RBFOX1: variants seen among roughly 807,000 people sequenced by gnomAD.
The protein encoded by RBFOX1 is RNA binding fox-1 homolog 1, also known as RNA binding protein fox-1 homolog 1.
Under a neutral mutation model 57.7 loss-of-function variants are expected in RBFOX1, and 8 were observed. That is an observed-to-expected ratio of 0.14 (90% CI 0.08 to 0.25). The LOEUF (loss-of-function observed/expected upper bound fraction) is 0.25, where lower values mean the gene tolerates loss of function less well. RBFOX1 is among the 10% of genes least tolerant of loss of function. The pLI, the probability that RBFOX1 is intolerant of heterozygous loss-of-function variation, is 1.00. For synonymous variants in RBFOX1, 326 were observed against 222.4 expected (o/e 1.47, Z -4.15); for missense variants, 611 against 548.5 (o/e 1.11, Z -1.14).
At chr16:6,631,386 A>G (rs2098383038) in intron 2 of RBFOX1, among the ~76,000 whole-genome samples, 1 of 152,010 alleles carries the variant, frequency 6.6e-6, no homozygotes, top group Non-Finnish European at 1.5e-5. Context: ...TTTTTTAGAA[A>G]ACACTTTTTA....
chr16:6,103,453 TGTCA>T (rs750711645), intron 1 of RBFOX1, among the ~76,000 whole-genome samples: 1 of 152,134 alleles, frequency 6.6e-6, no homozygotes, highest in African/African-American at 2.4e-5. Context: ...TTACTGTTGT[TGTCA>T]GTCAGGCTAG....
At chr16:7,251,340 C>G (rs565061431) in intron 4 of RBFOX1, among the ~76,000 whole-genome samples, 6 of 150,860 alleles carry the variant, frequency 4.0e-5, no homozygotes, top group Non-Finnish European at 8.8e-5. Context: ...TTGCAGTTGA[C>G]AAGAATTTAT....
intron 4 of RBFOX1, among the ~76,000 whole-genome samples, chr16:7,300,778 C>T (rs1249596280): frequency 2.0e-5 from 3 of 152,110 alleles, no homozygotes; most frequent in Non-Finnish European, 2.9e-5. Context: ...CAAATTAAAA[C>T]TTGGGTAGTT....
intron 1 of RBFOX1, among the ~76,000 whole-genome samples, chr16:6,132,790 C>T (rs1194507821): frequency 2.6e-5 from 4 of 151,842 alleles, no homozygotes; most frequent in Admixed American, 6.6e-5. Context: ...AGTTCAAGAC[C>T]AGCCTGGCCA....
intron 4 of RBFOX1, among the ~76,000 whole-genome samples, chr16:7,233,846 A>G (rs529321471): frequency 2.6e-5 from 4 of 152,346 alleles, no homozygotes; most frequent in Non-Finnish European, 4.4e-5. Context: ...CTAATTGACA[A>G]CAAGGTTTAT....
chr16:5,882,569 C>G (rs909462417), intron 4 of RBFOX1, among the ~76,000 whole-genome samples: 3 of 152,126 alleles, frequency 2.0e-5, no homozygotes, highest in Non-Finnish European at 4.4e-5. Flanking sequence ...ACCTGGAGGG[C>G]TCATGATTTG....
At chr16:7,108,856 A>T (rs1414071477) in intron 4 of RBFOX1, among the ~76,000 whole-genome samples, 2 of 152,120 alleles carry the variant, frequency 1.3e-5, no homozygotes, top group African/African-American at 4.8e-5. Context: ...ACGAGTCATG[A>T]TATATATTTA....
At chr16:6,535,767 C>G (rs560790883) in intron 2 of RBFOX1, among the ~76,000 whole-genome samples, 1 of 152,194 alleles carries the variant, frequency 6.6e-6, no homozygotes, top group Non-Finnish European at 1.5e-5. Context: ...GCTATCACAA[C>G]CAGCATATGT....
At chr16:6,232,324 G>C (rs1035324067) in intron 1 of RBFOX1, among the ~76,000 whole-genome samples, 1 of 152,160 alleles carries the variant, frequency 6.6e-6, no homozygotes, top group Non-Finnish European at 1.5e-5. Flanking sequence ...TATGGAATTA[G>C]GGCTGGAAAA....
At chr16:5,343,090 G>C (rs143427085) in intron 1 of RBFOX1, among the ~76,000 whole-genome samples, 26 of 152,228 alleles carry the variant, frequency 1.7e-4, no homozygotes, top group Admixed American at 9.2e-4. Context: ...TTAGTGTAAG[G>C]CTTAGGACTT....
chr16:7,278,880 G>A (rs200778381), intron 4 of RBFOX1, among the ~76,000 whole-genome samples: 2 of 152,114 alleles, frequency 1.3e-5, no homozygotes, highest in African/African-American at 2.4e-5. Context: ...TTATCTTGTC[G>A]AAAGGGAATT....
intron 5 of RBFOX1, among the ~76,000 whole-genome samples, chr16:7,536,696 G>A (rs1241643630): frequency 1.3e-5 from 2 of 152,226 alleles, no homozygotes; most frequent in Non-Finnish European, 2.9e-5. Context: ...AGATGCAGGG[G>A]CGTGTGGAAG....
At chr16:7,012,528 G>C (rs12445944) in intron 3 of RBFOX1, among the ~76,000 whole-genome samples, 19,007 of 152,160 alleles carry the variant, frequency 0.12, 1,270 homozygotes, top group Middle Eastern at 0.17. Context: ...AGAAAAACAA[G>C]GACATTGGAA....
chr16:7,633,216 G>T (rs1216491373), intron 11 of RBFOX1, among the ~76,000 whole-genome samples: 2 of 152,206 alleles, frequency 1.3e-5, no homozygotes, highest in Admixed American at 1.3e-4. Flanking sequence ...TACAGAAGAA[G>T]TGTACTGATC....
At chr16:6,874,325 A>T (rs2061449055) in intron 3 of RBFOX1, among the ~76,000 whole-genome samples, 2 of 152,024 alleles carry the variant, frequency 1.3e-5, no homozygotes, top group African/African-American at 4.8e-5. Flanking sequence ...AGCCTGGCCA[A>T]CATGATGAAA....
At chr16:6,709,790 G>T (rs1363013197) in intron 3 of RBFOX1, among the ~76,000 whole-genome samples, 1 of 152,128 alleles carries the variant, frequency 6.6e-6, no homozygotes, top group Non-Finnish European at 1.5e-5. Context: ...AGATACTGCG[G>T]CAAGTATCTT....
At chr16:6,491,172 T>C (rs928196424) in intron 2 of RBFOX1, among the ~76,000 whole-genome samples, 2 of 151,830 alleles carry the variant, frequency 1.3e-5, no homozygotes, top group African/African-American at 4.8e-5. Context: ...CTACATAGTC[T>C]ATAGTCTATT....
chr16:6,695,555 T>C (rs1005933560), intron 3 of RBFOX1, among the ~76,000 whole-genome samples: 1 of 152,098 alleles, frequency 6.6e-6, no homozygotes, highest in Non-Finnish European at 1.5e-5. Context: ...GACGCGCCTA[T>C]TATGAATGTT....
intron 2 of RBFOX1, among the ~76,000 whole-genome samples, chr16:5,518,897 T>A (rs1234455412): frequency 6.6e-6 from 1 of 152,042 alleles, no homozygotes; most frequent in Non-Finnish European, 1.5e-5. Flanking sequence ...TATGTTGAGG[T>A]TCTAACCCCT....
Sources: gnomAD v4.1 joint callset for allele counts (sites outside exome capture counted in the v4.1 genomes callset) on GRCh38, gnomAD v4.1.1 for gene constraint, MANE v1.5 for transcripts, NCBI Gene and HGNC (gene_info 2026-07-23, HGNC 2026-07-21) for gene names.